Variants in PTBP3 observed in about 807,000 individuals in gnomAD.
PTBP3 encodes the protein polypyrimidine tract binding protein 3, also known as polypyrimidine tract-binding protein 3.
PTBP3 carries 20 observed loss-of-function variants against 58.7 expected under a neutral mutation model. That is an observed-to-expected ratio of 0.34 (90% CI 0.24 to 0.50). PTBP3 has a LOEUF of 0.50. PTBP3 is among the 20% of genes least tolerant of loss of function. The pLI, the probability that PTBP3 is intolerant of heterozygous loss-of-function variation, is 0.98. For missense variants in PTBP3, 509 were observed against 637.2 expected (o/e 0.80, Z 2.17); for synonymous variants, 185 against 219.8 (o/e 0.84, Z 1.40).
intron 5 of PTBP3, among the ~76,000 whole-genome samples, chr9:112,257,522 A>C (rs1473051535): frequency 1.3e-5 from 2 of 152,194 alleles, no homozygotes; most frequent in Non-Finnish European, 2.9e-5. Flanking sequence ...ATATTTTCAG[A>C]CTGTAACACA....
chr9:112,308,825 T>C (rs1356595338), intron 1 of PTBP3, among the ~76,000 whole-genome samples: 1 of 152,174 alleles, frequency 6.6e-6, no homozygotes, highest in African/African-American at 2.4e-5. Context: ...GCAGTTGCTC[T>C]GTGGACTTGT....
chr9:112,271,148 G>A (rs1375947052), intron 3 of PTBP3, among the ~76,000 whole-genome samples: 1 of 152,074 alleles, frequency 6.6e-6, no homozygotes, highest in Non-Finnish European at 1.5e-5. Context: ...TTTAAGTACT[G>A]AGGCATTCAT....
At chr9:112,249,992 T>C (rs1836041456) in intron 7 of PTBP3, among the ~76,000 whole-genome samples, 1 of 152,062 alleles carries the variant, frequency 6.6e-6, no homozygotes, top group Admixed American at 6.6e-5. Flanking sequence ...ATTAGAAAGA[T>C]GCATTGAATC....
At chr9:112,253,723 A>G (rs935153892) in intron 5 of PTBP3, among the ~76,000 whole-genome samples, 6 of 151,886 alleles carry the variant, frequency 4.0e-5, no homozygotes, top group African/African-American at 1.5e-4. Flanking sequence ...TTCTCAAGAG[A>G]TCTGATTGTT....
At chr9:112,300,667 G>T (rs2132327413) in intron 1 of PTBP3, among the ~76,000 whole-genome samples, 1 of 152,278 alleles carries the variant, frequency 6.6e-6, no homozygotes, top group Admixed American at 6.5e-5. Flanking sequence ...CAGGAGAATG[G>T]CGTGAACCCG....
chr9:112,229,529 C>T (rs2131966003), intron 10 of PTBP3, among the ~76,000 whole-genome samples: 1 of 148,998 alleles, frequency 6.7e-6, no homozygotes, highest in East Asian at 2.0e-4. Context: ...TGTGCCACCG[C>T]ACTCCAGCCT....
At chr9:112,225,638 T>C (rs1194440313) in intron 12 of PTBP3, among the ~76,000 whole-genome samples, 3 of 152,228 alleles carry the variant, frequency 2.0e-5, no homozygotes, top group African/African-American at 7.2e-5. Context: ...TGAGGCAACA[T>C]GTGTAAAGCA....
At chr9:112,376,905 C>T in the PTBP3 span, among the ~76,000 whole-genome samples, 12 of 152,184 alleles carry the variant, frequency 7.9e-5, no homozygotes, top group African/African-American at 2.9e-4. Context: ...ATCAAGTTGA[C>T]ACTCAGTATT....
chr9:112,328,338 T>C (rs928035344), intron 1 of PTBP3, among the ~76,000 whole-genome samples: 4 of 152,224 alleles, frequency 2.6e-5, no homozygotes, highest in African/African-American at 9.6e-5. Context: ...TTTCTCCAGA[T>C]AATGCATAAT....
intron 3 of PTBP3, among the ~76,000 whole-genome samples, chr9:112,275,195 G>A (rs1827557669): frequency 6.6e-6 from 1 of 151,884 alleles, no homozygotes; most frequent in Non-Finnish European, 1.5e-5. Flanking sequence ...GAGTGCAATG[G>A]CACCATCTCG....
intron 3 of PTBP3, among the ~76,000 whole-genome samples, chr9:112,273,007 ATAAAGTC>A (rs1040873914): frequency 6.6e-6 from 1 of 152,248 alleles, no homozygotes; most frequent in Non-Finnish European, 1.5e-5. Context: ...ATGTTTCCAC[ATAAAGTC>A]TAGAAAAGCC....
chr9:112,243,083 T>C (rs1360620067), intron 7 of PTBP3, among the ~76,000 whole-genome samples: 1 of 150,632 alleles, frequency 6.6e-6, no homozygotes, highest in Non-Finnish European at 1.5e-5. Context: ...CCTTCTGACA[T>C]TACCAAACTG....
At chr9:112,231,245 G>T in intron 10 of PTBP3, 135 bp downstream of exon 10, 1 of 584,170 alleles carries the variant, frequency 1.7e-6, no homozygotes, top group Non-Finnish European at 2.7e-6. Context: ...TACTTACTAA[G>T]TCTTATTCAC....
Position 112,219,460 on chromosome 9 carries a change from T to C in PTBP3, c.*4391A>G, listed in dbSNP as rs1176995539. On this transcript the variant is annotated 3_prime_UTR_variant, in exon 14 of 14. Transcript: ENST00000374257. ...CATAGGCATCTTTCAATTATGACTATGATCACCAAGGTCACTGGACCAGAC... is the reference window on the plus strand; with the variant it reads ...CATAGGCATCTTTCAATTATGACTACGATCACCAAGGTCACTGGACCAGAC... 6.6e-6 allele frequency: 1 copy of C among 152,440 alleles called. No individual in the cohort carries two copies. Among genetic ancestry groups the C allele is most frequent in the Non-Finnish European group, 1.5e-5 (1 of 68,042 alleles). The allele number at this position is 152,440 out of a possible 1,614,324, so 9.4% of individuals were successfully genotyped here.
intron 7 of PTBP3, among the ~76,000 whole-genome samples, chr9:112,237,014 A>ATGGC (rs1450360326): frequency 6.6e-6 from 1 of 152,196 alleles, no homozygotes; most frequent in African/African-American, 2.4e-5. Context: ...GCTAACACAG[A>ATGGC]TGGCTACAGA....
chr9:112,219,973 C>A lies in PTBP3; in HGVS notation c.*3878G>T. 1.5e-6 allele frequency: 1 copy of A among 649,590 alleles called. No homozygotes were observed. The highest frequency in any genetic ancestry group is 5.6e-5 in the Admixed American group (1 of 18,008). 40.2% of individuals were successfully genotyped at this position (649,590 alleles called of 1,614,324 possible). A position where few individuals can be genotyped will look rare whatever the true frequency, so the allele number is the denominator to read the frequency against. On this transcript the variant is annotated 3_prime_UTR_variant, in exon 14 of 14. Coordinates refer to ENST00000374257, the MANE Select transcript of PTBP3 (RefSeq NM_001163788.4). ...CTGAGTTATATTTTCAAATTTTGTG[C>A]AATCTAAATTGTATTTCTTTCAGCA... is the stretch of plus-strand genomic sequence containing the variant.
chr9:112,312,614 T>C (rs1362487131), intron 1 of PTBP3, among the ~76,000 whole-genome samples: 1 of 147,986 alleles, frequency 6.8e-6, no homozygotes, highest in Non-Finnish European at 1.5e-5. Context: ...GGTGCAAATA[T>C]GAACTGGGTA....
At chr9:112,359,844 A>G in the PTBP3 span, among the ~76,000 whole-genome samples, 1 of 151,756 alleles carries the variant, frequency 6.6e-6, no homozygotes, top group Non-Finnish European at 1.5e-5. Context: ...AAACACCAAA[A>G]AAAAAACAAG....
chr9:112,347,966 T>A, the PTBP3 span, among the ~76,000 whole-genome samples: 1 of 152,304 alleles, frequency 6.6e-6, no homozygotes, highest in South Asian at 2.1e-4. Flanking sequence ...TCCACAAAAT[T>A]TAGCCTATTT....
Sources: gnomAD v4.1 joint callset for allele counts (sites outside exome capture counted in the v4.1 genomes callset) on GRCh38, gnomAD v4.1.1 for gene constraint, MANE v1.5 for transcripts, NCBI Gene and HGNC (gene_info 2026-07-23, HGNC 2026-07-21) for gene names.